The following TAC4 variants were observed in gnomAD, a reference collection of about 807,000 sequenced individuals.
TAC4 encodes tachykinin precursor 4, also known as tachykinin-4.
TAC4 carries 17 observed loss-of-function variants against 17.7 expected under a neutral mutation model. That is an observed-to-expected ratio of 0.96 (90% CI 0.66 to 1.44). The LOEUF (loss-of-function observed/expected upper bound fraction) is 1.44. TAC4 is among the 40% of genes most tolerant of loss of function. The probability of loss-of-function intolerance (pLI) is 0.00; values close to 1 mark genes in which losing one functional copy is unlikely to be tolerated. For missense variants in TAC4, 118 were observed against 125.6 expected (o/e 0.94, Z 0.29); for synonymous variants, 62 against 52.4 (o/e 1.18, Z -0.79).
intron 4 of TAC4, among the ~76,000 whole-genome samples, chr17:49,839,489 G>A (rs184936282): frequency 6.6e-6 from 1 of 152,336 alleles, no homozygotes; most frequent in East Asian, 1.9e-4. Context: ...AATGATCAAT[G>A]ATTAGTGTAA....
In TAC4 at chr17:49,839,717, C is replaced by T. The variant is rs545969181; in HGVS notation, c.292+133G>A. 62 of 796,000 alleles carry T rather than the reference C, an allele frequency of 7.8e-5. No individual in the cohort carries two copies. In the African/African-American group the frequency reaches 9.6e-4, roughly 12 times the overall value. The allele number at this position is 796,000 out of a possible 1,614,324, so 49.3% of individuals were successfully genotyped here. ...ACCTCCTTGCACTCGACTGCCTCCCCTGGGGGCCTCCCCATGATGGCTTGT... is the reference window on the plus strand; with the variant it reads ...ACCTCCTTGCACTCGACTGCCTCCCTTGGGGGCCTCCCCATGATGGCTTGT... On this transcript the variant is annotated intron_variant, in intron 4 of 4. Transcript: ENST00000436235.
intron 1 of TAC4, chr17:49,847,696 C>CACACACACAG: frequency 3.8e-6 from 1 of 264,906 alleles, no homozygotes; most frequent in Non-Finnish European, 5.9e-6. Context: ...CACACAGACA[C>CACACACACAG]ACACACACAC....
At chr17:49,843,495 C>T (rs1176749346) in intron 2 of TAC4, among the ~76,000 whole-genome samples, 1 of 151,792 alleles carries the variant, frequency 6.6e-6, no homozygotes, top group East Asian at 1.9e-4. Context: ...GCCTGTGCCC[C>T]CACCCTTCAG....
chr17:49,844,816 T>C (rs2074525316), intron 1 of TAC4, among the ~76,000 whole-genome samples: 1 of 152,136 alleles, frequency 6.6e-6, no homozygotes, highest in African/African-American at 2.4e-5. Flanking sequence ...AACCAGAAGT[T>C]GAACTCAGGC....
chr17:49,839,712 C>T (rs1307483570), intron 4 of TAC4, 138 bp downstream of exon 4: 7 of 743,846 alleles, frequency 9.4e-6, no homozygotes, highest in Non-Finnish European at 1.5e-5. Context: ...ACTCGACTGC[C>T]TCCCCTGGGG....
chr17:49,842,252 C>G (rs566137018), intron 2 of TAC4, among the ~76,000 whole-genome samples: 1 of 151,760 alleles, frequency 6.6e-6, no homozygotes, highest in Admixed American at 6.6e-5. Context: ...TGAAATGGGC[C>G]GGGCGCGTTG....
intron 4 of TAC4, among the ~76,000 whole-genome samples, 185 bp downstream of exon 4, chr17:49,839,665 G>C (rs1439880880): frequency 6.6e-6 from 1 of 152,054 alleles, no homozygotes; most frequent in African/African-American, 2.4e-5. Flanking sequence ...GCAGCTTCTG[G>C]GCCATAGCGA....
chr17:49,841,521 C>T, intron 3 of TAC4, 31 bp downstream of exon 3: 1 of 1,559,194 alleles, frequency 6.4e-7, no homozygotes, highest in Non-Finnish European at 8.7e-7. Flanking sequence ...CCCTAGGGGG[C>T]ATGTTGAAGG....
At chr17:49,842,029 G>C (rs1233154251) in intron 2 of TAC4, among the ~76,000 whole-genome samples, 1 of 144,962 alleles carries the variant, frequency 6.9e-6, no homozygotes, top group Non-Finnish European at 1.5e-5. Flanking sequence ...TCAGCCTCCC[G>C]AGTAGCCAGG....
intron 1 of TAC4, among the ~76,000 whole-genome samples, chr17:49,845,695 C>T (rs2074533042): frequency 6.6e-6 from 1 of 152,218 alleles, no homozygotes; most frequent in African/African-American, 2.4e-5. Context: ...GAGGCTCTTT[C>T]TTCCATCCCC....
intron 3 of TAC4, 81 bp downstream of exon 3, chr17:49,841,471 C>T (rs2074497633): frequency 1.4e-6 from 2 of 1,432,438 alleles, no homozygotes; most frequent in Non-Finnish European, 1.9e-6. Context: ...CATCTCCCCT[C>T]ACCCACCTGG....
rs561584891 is a variant in TAC4, at chr17:49,840,783, G to A, written c.232+769C>T. Among the ~76,000 whole-genome samples the A allele has an allele frequency of 2.6e-5, 4 of 151,338 alleles. No individual in the cohort carries two copies. In the South Asian group the frequency reaches 8.4e-4, roughly 32 times the overall value. On this transcript the variant is annotated intron_variant, in intron 3 of 4. Transcript: ENST00000436235. ...TTCCCAAAATGCTGGGATTATAGGCGTGAGCCACCACACCCACCTGGCCAG... is the reference window on the plus strand; with the variant it reads ...TTCCCAAAATGCTGGGATTATAGGCATGAGCCACCACACCCACCTGGCCAG...
chr17:49,839,789 C>G, intron 4 of TAC4, 61 bp downstream of exon 4: 1 of 1,511,964 alleles, frequency 6.6e-7, no homozygotes, highest in Non-Finnish European at 9.1e-7. Context: ...TGCAGACTGG[C>G]AGCAAAGTGT....
chr17:49,839,773 C>G, intron 4 of TAC4, 77 bp downstream of exon 4: 1 of 1,392,682 alleles, frequency 7.2e-7, no homozygotes, highest in African/African-American at 1.4e-5. Context: ...TGCCCAGCCC[C>G]CATCTTGCAG....
At chr17:49,841,629 C>T (rs2074499030) in intron 2 of TAC4, 45 bp from the exon 3 acceptor site, 3 of 1,508,288 alleles carry the variant, frequency 2.0e-6, no homozygotes, top group Non-Finnish European at 2.7e-6. Context: ...GCACTGCTTC[C>T]CTGGGGGCTT....
At chr17:49,847,504 A>C (rs1266029609) in intron 1 of TAC4, 3 of 352,532 alleles carry the variant, frequency 8.5e-6, no homozygotes, top group African/African-American at 2.1e-5. Context: ...GAAGCTGTGC[A>C]ACCTTGGACA....
chr17:49,841,442 G>T, intron 3 of TAC4, 110 bp downstream of exon 3: 1 of 1,181,552 alleles, frequency 8.5e-7, no homozygotes, highest in Non-Finnish European at 1.2e-6. Flanking sequence ...ATGCCAGCCT[G>T]GCTTGCCCCT....
intron 1 of TAC4, chr17:49,847,384 A>G: frequency 2.8e-6 from 2 of 723,148 alleles, no homozygotes; most frequent in Non-Finnish European, 3.9e-6. Flanking sequence ...TGTGAGACCA[A>G]ATAGTGGTCC....
Position 49,840,632 on chromosome 17 carries a change from A to G in TAC4, c.233-723T>C, listed in dbSNP as rs576784159. On this transcript the variant is annotated intron_variant, in intron 3 of 4. Transcript: ENST00000436235. The stretch of plus-strand genomic sequence containing the variant: ...ATTCTCCTGCCTCAGCCTCCTGAGT[A>G]GCTGGGATGACAGGCACCCGCCACC... Among the ~76,000 whole-genome samples the G allele has an allele frequency of 2.0e-5, 3 of 151,974 alleles. No individual in the cohort carries two copies. The South Asian group carries it at 6.2e-4, about 32-fold the overall frequency.
Sources: gnomAD v4.1 joint callset for allele counts (sites outside exome capture counted in the v4.1 genomes callset) on GRCh38, gnomAD v4.1.1 for gene constraint, MANE v1.5 for transcripts, NCBI Gene and HGNC (gene_info 2026-07-23, HGNC 2026-07-21) for gene names.